The following MSH3 variants were observed in gnomAD, a reference collection of about 807,000 sequenced individuals.
MSH3 encodes mutS homolog 3, also known as DNA mismatch repair protein Msh3.
MSH3 carries 106 observed loss-of-function variants against 123.3 expected under a neutral mutation model. The ratio of observed to expected loss-of-function variants is 0.86; its 90% CI spans 0.73 to 1.01. The LOEUF is 1.01. Ranked by LOEUF, MSH3 falls within the 50% of genes least tolerant of loss-of-function variation. The probability of loss-of-function intolerance (pLI) is 0.00; values close to 1 mark genes in which losing one functional copy is unlikely to be tolerated. For synonymous variants in MSH3, 515 were observed against 481.4 expected (o/e 1.07, Z -0.91); for missense variants, 1,459 against 1,347.6 (o/e 1.08, Z -1.29).
In MSH3 at chr5:80,665,333, T is replaced by C. The variant is rs775653573; in HGVS notation, c.549T>C (p.Ser183=). 6 of 1,612,944 alleles carry C rather than the reference T, an allele frequency of 3.7e-6. No individual in the cohort carries two copies. Among genetic ancestry groups the C allele is most frequent in the Non-Finnish European group, 5.1e-6 (6 of 1,179,938 alleles). ...SLLHAKNAVS[S]EDSKRQINQK... is the part of the protein sequence containing the mutation. ...TACACGCAAAGAATGCAGTTTCTTC[T>C]GAAGATTCGAAACGTCAAATTAATC... Residue 183 remains serine (S), a synonymous_variant, in exon 3 of 24, where the codon TCT becomes TCC. Coordinates refer to ENST00000265081, the MANE Select transcript of MSH3 (RefSeq NM_002439.5).
At chr5:80,806,573 C>T (rs1335950109) in intron 19 of MSH3, among the ~76,000 whole-genome samples, 1 of 152,086 alleles carries the variant, frequency 6.6e-6, no homozygotes, top group Non-Finnish European at 1.5e-5. Context: ...TCTTATTTTT[C>T]ACTGGTCAGT....
In MSH3 at chr5:80,876,076, C is replaced by G. The variant is rs1746303913; in HGVS notation, c.*214C>G. 1.9e-6 allele frequency: 1 copy of G among 516,794 alleles called. No individual in the cohort carries two copies. The highest frequency in any genetic ancestry group is 3.4e-6 in the Non-Finnish European group (1 of 292,760). 32.0% of individuals were successfully genotyped at this position (516,794 alleles called of 1,614,324 possible). On this transcript the variant is annotated 3_prime_UTR_variant, in exon 24 of 24. Transcript: ENST00000265081. ...CTACGTATAAACACTCTTGAATAGA[C>G]TTCCACTTTGTAATTAGAAAATTTT... is the stretch of plus-strand genomic sequence containing the variant.
chr5:80,740,026 C>T (rs546396715), intron 10 of MSH3, among the ~76,000 whole-genome samples: 1 of 152,296 alleles, frequency 6.6e-6, no homozygotes, highest in Non-Finnish European at 1.5e-5. Context: ...TAGTGACCTG[C>T]TGTTATTTTC....
chr5:80,834,201 T>C (rs1267091929), intron 20 of MSH3, among the ~76,000 whole-genome samples: 1 of 152,164 alleles, frequency 6.6e-6, no homozygotes, highest in Non-Finnish European at 1.5e-5. Flanking sequence ...CCTAATGCAG[T>C]GGCCTTCAAA....
intron 10 of MSH3, among the ~76,000 whole-genome samples, chr5:80,733,695 C>G (rs1561459729): frequency 1.3e-5 from 2 of 151,810 alleles, no homozygotes; most frequent in Non-Finnish European, 2.9e-5. Flanking sequence ...AGGATATATG[C>G]AAACAACCAA....
intron 9 of MSH3, among the ~76,000 whole-genome samples, chr5:80,728,398 T>G (rs893241665): frequency 6.6e-6 from 1 of 152,244 alleles, no homozygotes; most frequent in Non-Finnish European, 1.5e-5. Flanking sequence ...TTCCATTTAG[T>G]TGGTACATAA....
chr5:80,777,488 A>G (rs1456559791), intron 16 of MSH3, among the ~76,000 whole-genome samples: 3 of 152,208 alleles, frequency 2.0e-5, no homozygotes, highest in African/African-American at 7.2e-5. Flanking sequence ...ATCTCCCTAA[A>G]TGAGTTTTTC....
At chr5:80,657,238 T>A (rs151283002) in intron 2 of MSH3, among the ~76,000 whole-genome samples, 86 of 152,188 alleles carry the variant, frequency 5.7e-4, no homozygotes, top group African/African-American at 2.0e-3. Flanking sequence ...GTCAGGAGTT[T>A]AAGACCAGCC....
intron 12 of MSH3, among the ~76,000 whole-genome samples, chr5:80,748,486 T>G (rs917219887): frequency 4.6e-5 from 7 of 152,226 alleles, no homozygotes; most frequent in Admixed American, 4.6e-4. Context: ...TTTTTTCTTA[T>G]GTGTTCTCAC....
intron 20 of MSH3, among the ~76,000 whole-genome samples, chr5:80,844,563 C>CT (rs1745685665): frequency 6.6e-6 from 1 of 152,092 alleles, no homozygotes; most frequent in South Asian, 2.1e-4. Context: ...TAAGGACTTG[C>CT]TTTATGAATC....
intron 21 of MSH3, among the ~76,000 whole-genome samples, chr5:80,860,433 G>A (rs1314309689): frequency 1.5e-5 from 2 of 134,142 alleles, no homozygotes; most frequent in East Asian, 4.1e-4. Flanking sequence ...CTAGGTTGGA[G>A]AGGTTTGTTG....
intron 20 of MSH3, among the ~76,000 whole-genome samples, chr5:80,826,664 T>A (rs1300979080): frequency 6.6e-6 from 1 of 151,632 alleles, no homozygotes; most frequent in Non-Finnish European, 1.5e-5. Context: ...TTCTCCTGCC[T>A]CAGCCTCCCA....
chr5:80,762,038 A>G (rs977351207), intron 13 of MSH3, among the ~76,000 whole-genome samples: 2 of 152,046 alleles, frequency 1.3e-5, no homozygotes, highest in African/African-American at 4.8e-5. Context: ...TTGATCTTAG[A>G]ACAACTTATT....
chr5:80,685,346 C>T (rs1750063909), intron 8 of MSH3, among the ~76,000 whole-genome samples: 1 of 150,802 alleles, frequency 6.6e-6, no homozygotes, highest in Admixed American at 6.6e-5. Context: ...AATCTCGTTA[C>T]TTGTTATTGG....
chr5:80,865,116 T>G (rs1282819512), intron 22 of MSH3, among the ~76,000 whole-genome samples, 174 bp downstream of exon 22: 4 of 152,248 alleles, frequency 2.6e-5, no homozygotes, highest in Admixed American at 2.6e-4. Flanking sequence ...AATTTAGATT[T>G]ATCCTTGCTA....
chr5:80,799,023 A>T (rs1744746486), intron 19 of MSH3, among the ~76,000 whole-genome samples: 1 of 152,208 alleles, frequency 6.6e-6, no homozygotes, highest in Admixed American at 6.5e-5. Context: ...CAATGGTAGG[A>T]GATTTAAATT....
intron 21 of MSH3, among the ~76,000 whole-genome samples, chr5:80,855,016 A>G (rs964780218): frequency 3.3e-5 from 5 of 152,098 alleles, no homozygotes; most frequent in Admixed American, 6.5e-5. Context: ...TTGTGTTTCT[A>G]TCTGATTCAG....
At chr5:80,787,782 A>C in intron 18 of MSH3, 110 bp downstream of exon 18, 1 of 785,800 alleles carries the variant, frequency 1.3e-6, no homozygotes. Context: ...AATGTGTTAG[A>C]CTCTTGGGAA....
chr5:80,842,336 C>T (rs982620277), intron 20 of MSH3, among the ~76,000 whole-genome samples: 3 of 152,140 alleles, frequency 2.0e-5, no homozygotes, highest in African/African-American at 7.2e-5. Context: ...AGTCAGGTAG[C>T]ATGATGCCTC....
Sources: allele counts gnomAD v4.1 joint callset (sites outside exome capture counted in the v4.1 genomes callset), GRCh38; gene constraint gnomAD v4.1.1; transcripts MANE v1.5; gene names NCBI Gene and HGNC (gene_info 2026-07-23, HGNC 2026-07-21).